ROBO2: variants seen among roughly 807,000 people sequenced by gnomAD.
ROBO2 encodes roundabout homolog 2.
Under a neutral mutation model 160.8 loss-of-function variants are expected in ROBO2, and 53 were observed. The observed-to-expected ratio is 0.33, with a 90% CI of 0.26 to 0.41. ROBO2 has a LOEUF of 0.41. Ranked by LOEUF, ROBO2 falls within the 10% of genes least tolerant of loss-of-function variation. The probability of loss-of-function intolerance (pLI) is 1.00; values close to 1 mark genes in which losing one functional copy is unlikely to be tolerated. For synonymous variants in ROBO2, 664 were observed against 611.7 expected, an observed-to-expected ratio of 1.09 and a Z score of -1.26; for missense variants, 1,577 against 1,722.4, an observed-to-expected ratio of 0.92 and a Z score of 1.49.
chr3:76,447,285 G>T (rs1346287582), intron 2 of ROBO2, among the ~76,000 whole-genome samples: 2 of 152,096 alleles, frequency 1.3e-5, no homozygotes, highest in Non-Finnish European at 2.9e-5. Flanking sequence ...AAAAACACAT[G>T]AAAAAATGCT....
chr3:77,611,708 TA>T (rs1178413567), intron 21 of ROBO2, among the ~76,000 whole-genome samples: 1 of 152,082 alleles, frequency 6.6e-6, no homozygotes, highest in Non-Finnish European at 1.5e-5. Flanking sequence ...CAAAATCAAA[TA>T]AAAAGTATCA....
intron 2 of ROBO2, among the ~76,000 whole-genome samples, chr3:76,536,773 G>T (rs922968607): frequency 6.6e-6 from 1 of 152,076 alleles, no homozygotes; most frequent in African/African-American, 2.4e-5. Flanking sequence ...GTCACTCCAG[G>T]TTAAATTGTA....
At chr3:76,657,756 AT>A (rs1560319941) in intron 2 of ROBO2, among the ~76,000 whole-genome samples, 2 of 127,802 alleles carry the variant, frequency 1.6e-5, no homozygotes, top group African/African-American at 8.9e-5. Flanking sequence ...ATATATATGT[AT>A]ATATATATGT....
intron 2 of ROBO2, among the ~76,000 whole-genome samples, chr3:76,119,688 T>C (rs1312327159): frequency 1.2e-4 from 18 of 152,058 alleles, no homozygotes; most frequent in Admixed American, 1.1e-3. Context: ...TGAAATGTCA[T>C]ATTATCATAG....
chr3:77,426,850 G>A (rs2078262481), intron 2 of ROBO2, among the ~76,000 whole-genome samples: 1 of 152,198 alleles, frequency 6.6e-6, no homozygotes, highest in Middle Eastern at 3.4e-3. Context: ...AGCTGTATAT[G>A]AATGTAAAAA....
intron 2 of ROBO2, among the ~76,000 whole-genome samples, chr3:76,367,067 T>C (rs1043840190): frequency 2.0e-5 from 3 of 152,062 alleles, no homozygotes; most frequent in Non-Finnish European, 2.9e-5. Flanking sequence ...TAAGAAACTT[T>C]TAATTTCCTA....
intron 24 of ROBO2, among the ~76,000 whole-genome samples, chr3:77,638,764 T>A (rs1321186728): frequency 2.7e-5 from 4 of 147,162 alleles, no homozygotes; most frequent in Admixed American, 2.0e-4. Flanking sequence ...TGTCTATCCA[T>A]CAACCTGTTT....
At chr3:76,036,996 A>G (rs1430896191) in intron 2 of ROBO2, among the ~76,000 whole-genome samples, 1 of 151,996 alleles carries the variant, frequency 6.6e-6, no homozygotes, top group Non-Finnish European at 1.5e-5. Flanking sequence ...AAAAGCAATT[A>G]TCTTGCCATC....
At chr3:76,598,294 G>T (rs550275675) in intron 2 of ROBO2, among the ~76,000 whole-genome samples, 7 of 151,762 alleles carry the variant, frequency 4.6e-5, no homozygotes, top group African/African-American at 1.5e-4. Flanking sequence ...GAGGAAAGTG[G>T]TTTTTTTTGT....
intron 2 of ROBO2, among the ~76,000 whole-genome samples, chr3:76,887,601 G>A (rs1192252208): frequency 6.6e-6 from 1 of 151,886 alleles, no homozygotes; most frequent in Non-Finnish European, 1.5e-5. Context: ...TCCTAGTATT[G>A]CTGTTATAAA....
chr3:77,439,610 G>T (rs755123933), intron 2 of ROBO2, among the ~76,000 whole-genome samples: 1 of 152,038 alleles, frequency 6.6e-6, no homozygotes, highest in African/African-American at 2.4e-5. Context: ...AGTATGAAGG[G>T]TTCCTTGTAT....
At chr3:76,438,364 C>T (rs1371634676) in intron 2 of ROBO2, among the ~76,000 whole-genome samples, 1 of 150,678 alleles carries the variant, frequency 6.6e-6, no homozygotes, top group African/African-American at 2.5e-5. Flanking sequence ...TTATATGTAA[C>T]CTAACTTGGG....
intron 2 of ROBO2, among the ~76,000 whole-genome samples, chr3:76,020,709 T>C (rs186789773): frequency 5.1e-4 from 77 of 151,994 alleles, no homozygotes; most frequent in Admixed American, 9.2e-4. Context: ...ACAGACTCTG[T>C]GGTTTATCTA....
chr3:77,343,392 G>A (rs757993037), intron 2 of ROBO2, among the ~76,000 whole-genome samples: 2 of 151,994 alleles, frequency 1.3e-5, no homozygotes, highest in Non-Finnish European at 1.5e-5. Flanking sequence ...ATAAAAATGC[G>A]TTTCAAATAT....
chr3:77,413,805 G>A (rs931734995), intron 2 of ROBO2, among the ~76,000 whole-genome samples: 5 of 152,332 alleles, frequency 3.3e-5, no homozygotes, highest in African/African-American at 9.6e-5. Context: ...AAGATGGAAA[G>A]ACTGGAGAGA....
At chr3:76,736,366 C>A (rs915251459) in intron 2 of ROBO2, among the ~76,000 whole-genome samples, 1 of 151,060 alleles carries the variant, frequency 6.6e-6, no homozygotes. Context: ...TAAGTGGATA[C>A]AATTTAGTGT....
At chr3:77,343,587 C>T (rs1384244348) in intron 2 of ROBO2, among the ~76,000 whole-genome samples, 1 of 152,102 alleles carries the variant, frequency 6.6e-6, no homozygotes, top group Non-Finnish European at 1.5e-5. Flanking sequence ...AAAGAATGTC[C>T]TGACAACATT....
At chr3:77,601,843 G>C (rs2094436501) in intron 19 of ROBO2, among the ~76,000 whole-genome samples, 1 of 152,208 alleles carries the variant, frequency 6.6e-6, no homozygotes, top group Non-Finnish European at 1.5e-5. Context: ...TTTCATCTGT[G>C]AGTTGTGGAT....
At chr3:77,401,302 A>G (rs1481697928) in intron 2 of ROBO2, among the ~76,000 whole-genome samples, 1 of 151,530 alleles carries the variant, frequency 6.6e-6, no homozygotes, top group Non-Finnish European at 1.5e-5. Flanking sequence ...TCAATCCTTA[A>G]AAGGCAAGAG....
Sources: gnomAD v4.1 joint callset for allele counts (sites outside exome capture counted in the v4.1 genomes callset) on GRCh38, gnomAD v4.1.1 for gene constraint, MANE v1.5 for transcripts, NCBI Gene and HGNC (gene_info 2026-07-23, HGNC 2026-07-21) for gene names.